The following FXN variants were observed in gnomAD, a reference collection of about 807,000 sequenced individuals.
The protein encoded by FXN is frataxin, also known as frataxin, mitochondrial.
Under a neutral mutation model 22.4 loss-of-function variants are expected in FXN, and 14 were observed. The ratio of observed to expected loss-of-function variants is 0.62; its 90% CI spans 0.41 to 0.98. The LOEUF (loss-of-function observed/expected upper bound fraction) is 0.98. FXN is among the 50% of genes least tolerant of loss of function. The pLI, the probability that FXN is intolerant of heterozygous loss-of-function variation, is 0.00. For synonymous variants in FXN, 120 were observed against 114.1 expected (o/e 1.05, Z -0.33); for missense variants, 267 against 268.4 (o/e 0.99, Z 0.04).
At position 69,074,735 on chromosome 9, in the gene FXN, TAAA is replaced by T. The variant is rs1316369048; in HGVS notation, c.*1978_*1980del. 1.1e-6 allele frequency: 1 copy of T among 877,926 alleles called. No homozygotes were observed. Among genetic ancestry groups the T allele is most frequent in the African/African-American group, 2.1e-5 (1 of 48,050 alleles). The allele number at this position is 877,926 out of a possible 1,614,324, so 54.4% of individuals were successfully genotyped here. A position where few individuals can be genotyped will look rare whatever the true frequency, so the allele number is the denominator to read the frequency against. On this transcript the variant is annotated 3_prime_UTR_variant, in exon 5 of 5. Transcript: ENST00000484259. ...GGCAACACAGCAAGATCCTATCTCTTAAAAAAAGAAAAAAAAACCTATTAATAA... is the reference window on the plus strand; with the variant it reads ...GGCAACACAGCAAGATCCTATCTCTTAAAAGAAAAAAAAACCTATTAATAA...
rs1444777129 is a variant in FXN at position 69,072,760 on chromosome 9, T to G, written c.631T>G (p.Ter211GlyextTer6). The change falls in exon 5 of 5, where the codon TGA becomes GGA. Residue 211 changes from the stop codon to glycine, a stop_lost. Transcript: ENST00000484259. ...SSLAYSGKDA[*>G] ...CTTGGCCTATTCCGGAAAAGATGCT[T>G]GATGCCCAGCCCCGTTTTAAGGACA... 6.2e-7 allele frequency: 1 copy of G among 1,614,184 alleles called. No homozygotes were observed. Among genetic ancestry groups the G allele is most frequent in the East Asian group, 2.2e-5 (1 of 44,884 alleles).
chr9:69,065,540 C>CAAA (rs34769489), intron 4 of FXN, among the ~76,000 whole-genome samples: 81,335 of 140,636 alleles, frequency 0.58, 23,967 homozygotes, highest in African/African-American at 0.65. Context: ...GACCCTGTCC[C>CAAA]AAAAAAAAAA....
At position 69,058,796 on chromosome 9, in the gene FXN, C is replaced by T. The variant is rs148802143; in HGVS notation, c.384+5536C>T. Reference sequence around the variant, plus strand: ...TGAAAGTGAGGGCCTGGTGCTGGTGCGGTGCCTCACGCCTGTAATCCCAGC... The same window carrying T: ...TGAAAGTGAGGGCCTGGTGCTGGTGTGGTGCCTCACGCCTGTAATCCCAGC... On this transcript the variant is annotated intron_variant, in intron 3 of 4. Transcript: ENST00000484259. Among the ~76,000 whole-genome samples, 644 of 152,204 alleles carry T rather than the reference C, an allele frequency of 4.2e-3. 14 individuals carry two copies. The highest frequency in any genetic ancestry group is 0.031 in the Admixed American group (478 of 15,278).
rs150676454 is a variant in FXN at position 69,035,952 on chromosome 9, G to A, written c.165+5G>A. ...ACCTGCACGCCCCGCCGCGCAGTAA[G>A]TATCCGCGCCGGGAACAGCCGCGGG... On this transcript the variant is annotated splice_donor_5th_base_variant and intron_variant, in intron 1 of 4. Coordinates refer to ENST00000484259, the MANE Select transcript of FXN (RefSeq NM_000144.5). 1.4e-6 allele frequency: 2 copies of A among 1,461,422 alleles called. No individual in the cohort carries two copies. Among genetic ancestry groups the A allele is most frequent in the South Asian group, 1.3e-5 (1 of 77,128 alleles). 90.5% of individuals were successfully genotyped at this position (1,461,422 alleles called of 1,614,324 possible).
At position 69,061,317 on chromosome 9, in the gene FXN, G is replaced by A. The variant is rs3793464; in HGVS notation, c.385-3621G>A. ...CCCCTAGTTCTTGCCCTGAGTCCTCGAAGGAGGCAGGAGAGACATCAAGGC... is the reference window on the plus strand; with the variant it reads ...CCCCTAGTTCTTGCCCTGAGTCCTCAAAGGAGGCAGGAGAGACATCAAGGC... On this transcript the variant is annotated intron_variant, in intron 3 of 4. Coordinates refer to ENST00000484259, the MANE Select transcript of FXN (RefSeq NM_000144.5). 1.5e-3 allele frequency among the ~76,000 whole-genome samples: 226 copies of A among 152,230 alleles called. 8 individuals carry two copies. In the East Asian group the frequency reaches 0.041, roughly 27 times the overall value.
chr9:69,045,155 T>A (rs1376803035), intron 1 of FXN, among the ~76,000 whole-genome samples: 2 of 152,166 alleles, frequency 1.3e-5, no homozygotes, highest in Admixed American at 1.3e-4. Context: ...GAGCTGACTT[T>A]ATATTTTATC....
chr9:69,053,256 T>C lies in FXN; in HGVS notation c.380T>C (p.Phe127Ser). 1 of 1,613,588 alleles carries C rather than the reference T, an allele frequency of 6.2e-7. No individual in the cohort carries two copies. Among genetic ancestry groups the C allele is most frequent in the Non-Finnish European group, 8.5e-7 (1 of 1,179,694 alleles). The stretch of plus-strand genomic sequence containing the variant: ...ACGTTTGAGGACTATGATGTCTCCT[T>C]TGGGGTACCTCTTGACTTCTTTTAT... ...PYTFEDYDVS[F>S]GSGVLTVKLG... The change falls in exon 3 of 5, where the codon TTT becomes TCT. Residue 127 changes from phenylalanine to serine, a missense_variant. By Grantham distance (155) the Phe-to-Ser change is radical. Coordinates refer to ENST00000484259, the MANE Select transcript of FXN (RefSeq NM_000144.5).
At position 69,076,519 on chromosome 9, in the gene FXN, T is replaced by C; in HGVS notation, c.*3757T>C. 1.0e-6 allele frequency: 1 copy of C among 985,358 alleles called. No individual in the cohort carries two copies. Among genetic ancestry groups the C allele is most frequent in the Non-Finnish European group, 1.2e-6 (1 of 829,838 alleles). The allele number at this position is 985,358 out of a possible 1,614,324, so 61.0% of individuals were successfully genotyped here. A position where few individuals can be genotyped will look rare whatever the true frequency, so the allele number is the denominator to read the frequency against. On this transcript the variant is annotated 3_prime_UTR_variant, in exon 5 of 5. Coordinates refer to ENST00000484259, the MANE Select transcript of FXN (RefSeq NM_000144.5). ...ATTTTACTTGATCTTTTGCATACCT[T>C]CTAAAACTATTTTAGCCAATTTAAA...
intron 2 of FXN, among the ~76,000 whole-genome samples, chr9:69,048,565 A>T (rs1475459271): frequency 6.6e-6 from 1 of 151,942 alleles, no homozygotes; most frequent in Non-Finnish European, 1.5e-5. Context: ...AGATCATGCC[A>T]TTGCACTCCA....
intron 3 of FXN, among the ~76,000 whole-genome samples, chr9:69,063,734 T>C (rs1389152893): frequency 1.3e-5 from 2 of 152,164 alleles, no homozygotes; most frequent in Admixed American, 1.3e-4. Context: ...CCCAGTCTGG[T>C]GTGTAGTGGT....
rs1322872813 is a variant in FXN, at chr9:69,073,531, A to T, written c.*769A>T. 1 of 985,460 alleles carries T rather than the reference A, an allele frequency of 1.0e-6. No individual in the cohort carries two copies. The highest frequency in any genetic ancestry group is 1.2e-6 in the Non-Finnish European group (1 of 829,948). The allele number at this position is 985,460 out of a possible 1,614,324, so 61.0% of individuals were successfully genotyped here. A position where few individuals can be genotyped will look rare whatever the true frequency, so the allele number is the denominator to read the frequency against. ...CATGAGCTGAGTGATGTAGCGTAAC[A>T]AACAAAATCATGGAGCTGAGGAGGT... On this transcript the variant is annotated 3_prime_UTR_variant, in exon 5 of 5. Transcript: ENST00000484259.
intron 3 of FXN, among the ~76,000 whole-genome samples, chr9:69,061,227 G>T (rs550331484): frequency 4.6e-5 from 7 of 152,288 alleles, no homozygotes; most frequent in East Asian, 1.9e-4. Context: ...TGCACCCCCT[G>T]ATTTGCTGTA....
intron 3 of FXN, among the ~76,000 whole-genome samples, chr9:69,059,418 T>TTTTTTGGG (rs1491555765): frequency 6.9e-6 from 1 of 145,356 alleles, no homozygotes; most frequent in Non-Finnish European, 1.5e-5. Flanking sequence ...TTTTTTTTTT[T>TTTTTTGGG]GAGAGAGATC....
intron 1 of FXN, 68 bp from the exon 2 acceptor site, chr9:69,046,317 T>C (rs562909570): frequency 8.8e-6 from 10 of 1,142,362 alleles, no homozygotes; most frequent in Non-Finnish European, 1.3e-5. Flanking sequence ...TAGCAATATA[T>C]AAATTATGCA....
Position 69,046,438 on chromosome 9 carries a change from C to T in FXN, c.219C>T (p.Val73=). ...NQIWNVKKQS[V]YLMNLRKSGT... ...TTTGGAATGTCAAAAAGCAGAGTGTCTATTTGATGAATTTGAGGAAATCTG... is the reference window on the plus strand; with the variant it reads ...TTTGGAATGTCAAAAAGCAGAGTGTTTATTTGATGAATTTGAGGAAATCTG... The change falls in exon 2 of 5, where the codon GTC becomes GTT. Residue 73 remains valine, a synonymous_variant. Transcript: ENST00000484259. The T allele has an allele frequency of 6.2e-7, 1 of 1,614,070 alleles. No homozygotes were observed. The highest frequency in any genetic ancestry group is 1.6e-4 in the Middle Eastern group (1 of 6,062).
intron 3 of FXN, among the ~76,000 whole-genome samples, chr9:69,059,816 A>C (rs1250485852): frequency 6.6e-6 from 1 of 152,146 alleles, no homozygotes; most frequent in Non-Finnish European, 1.5e-5. Context: ...TGCGAGCTGC[A>C]GTTTCCTCAG....
At chr9:69,051,129 A>ACTC (rs1831842078) in intron 2 of FXN, among the ~76,000 whole-genome samples, 1 of 151,810 alleles carries the variant, frequency 6.6e-6, no homozygotes, top group East Asian at 1.9e-4. Flanking sequence ...ACAGGGTTTC[A>ACTC]CTTTGTCACC....
Position 69,071,253 on chromosome 9 carries a change from C to T in FXN, c.483-1359C>T. Reference sequence around the variant, plus strand: ...GTTTATTAGTCCTTTTCCTGTGACCCTGATGGTTTGGTTCACTCATTTTTA... The same window carrying T: ...GTTTATTAGTCCTTTTCCTGTGACCTTGATGGTTTGGTTCACTCATTTTTA... On this transcript the variant is annotated intron_variant, in intron 4 of 4. Coordinates refer to ENST00000484259, the MANE Select transcript of FXN (RefSeq NM_000144.5). 3.9e-6 allele frequency: 2 copies of T among 519,002 alleles called. 1 individual carries two copies. Among genetic ancestry groups the T allele is most frequent in the South Asian group, 2.8e-5 (2 of 71,586 alleles). The allele number at this position is 519,002 out of a possible 1,614,324, so 32.1% of individuals were successfully genotyped here.
At chr9:69,071,625 A>G (rs1024085683) in intron 4 of FXN, among the ~76,000 whole-genome samples, 1 of 152,256 alleles carries the variant, frequency 6.6e-6, no homozygotes, top group Non-Finnish European at 1.5e-5. Context: ...AGCAACGTGC[A>G]TGTGCCATTA....
Sources: gnomAD v4.1 joint callset for allele counts (sites outside exome capture counted in the v4.1 genomes callset) on GRCh38, gnomAD v4.1.1 for gene constraint, MANE v1.5 for transcripts, NCBI Gene and HGNC (gene_info 2026-07-23, HGNC 2026-07-21) for gene names.